Variants in FSTL5 observed in about 807,000 individuals in gnomAD.
FSTL5 encodes the protein follistatin like 5.
A neutral mutation model predicts 89.1 loss-of-function variants in FSTL5; 62 were observed. The ratio of observed to expected loss-of-function variants is 0.70; its 90% confidence interval spans 0.57 to 0.86. The LOEUF is 0.86. FSTL5 is among the 40% of genes least tolerant of loss of function. FSTL5 has a pLI of 0.00. For synonymous variants in FSTL5, 383 were observed against 346.2 expected, an observed-to-expected ratio of 1.11 and a Z score of -1.18; for missense variants, 1,057 against 1,001.6, an observed-to-expected ratio of 1.06 and a Z score of -0.75.
At chr4:161,835,609 A>T (rs2126866523) in intron 4 of FSTL5, among the ~76,000 whole-genome samples, 1 of 152,068 alleles carries the variant, frequency 6.6e-6, no homozygotes, top group Non-Finnish European at 1.5e-5. Flanking sequence ...ATTTACAAGA[A>T]AAAAACAAAC....
chr4:161,696,348 T>G (rs1738165836), intron 6 of FSTL5, among the ~76,000 whole-genome samples: 1 of 152,194 alleles, frequency 6.6e-6, no homozygotes, highest in African/African-American at 2.4e-5. Context: ...AACCTGTTGT[T>G]TTGGTGACTA....
At chr4:161,747,231 A>G (rs1740231918) in intron 6 of FSTL5, among the ~76,000 whole-genome samples, 2 of 152,244 alleles carry the variant, frequency 1.3e-5, no homozygotes, top group South Asian at 2.1e-4. Flanking sequence ...GTAAAATTAC[A>G]TAAGTGAATC....
At chr4:162,142,951 G>A (rs1008176078) in intron 1 of FSTL5, among the ~76,000 whole-genome samples, 2 of 152,082 alleles carry the variant, frequency 1.3e-5, no homozygotes, top group Non-Finnish European at 2.9e-5. Flanking sequence ...CACACACTAG[G>A]CTCTCAAGTA....
intron 11 of FSTL5, among the ~76,000 whole-genome samples, chr4:161,500,467 T>A (rs1463626836): frequency 6.6e-6 from 1 of 152,176 alleles, no homozygotes; most frequent in African/African-American, 2.4e-5. Context: ...TACATGTTGA[T>A]TAAGGAGTAA....
intron 7 of FSTL5, among the ~76,000 whole-genome samples, chr4:161,589,795 G>C (rs1354050920): frequency 6.6e-6 from 1 of 152,018 alleles, no homozygotes; most frequent in African/African-American, 2.4e-5. Flanking sequence ...TAGGAGTCTA[G>C]AAGGCCACAC....
intron 2 of FSTL5, among the ~76,000 whole-genome samples, chr4:162,107,254 TA>T (rs1731260045): frequency 6.6e-6 from 1 of 152,174 alleles, no homozygotes; most frequent in South Asian, 2.1e-4. Context: ...AAGAAATTAG[TA>T]AATATCTATG....
intron 6 of FSTL5, among the ~76,000 whole-genome samples, chr4:161,687,797 G>C (rs937333841): frequency 6.6e-6 from 1 of 152,130 alleles, no homozygotes; most frequent in African/African-American, 2.4e-5. Flanking sequence ...AAAATGTTAT[G>C]GTTAGAATGT....
At chr4:161,801,219 G>C (rs1252463190) in intron 4 of FSTL5, among the ~76,000 whole-genome samples, 1 of 151,558 alleles carries the variant, frequency 6.6e-6, no homozygotes, top group Non-Finnish European at 1.5e-5. Context: ...AGTTCTGGGA[G>C]GACAAGAATA....
intron 4 of FSTL5, among the ~76,000 whole-genome samples, chr4:161,838,354 C>A (rs1021244835): frequency 6.6e-6 from 1 of 152,224 alleles, no homozygotes; most frequent in Non-Finnish European, 1.5e-5. Context: ...TCTCAGATCA[C>A]TGCAACCTCC....
chr4:161,798,607 T>C (rs936328324), intron 4 of FSTL5, among the ~76,000 whole-genome samples: 3 of 151,568 alleles, frequency 2.0e-5, no homozygotes, highest in Non-Finnish European at 3.0e-5. Context: ...CAATCAAAAC[T>C]TTATCAATCA....
At chr4:161,721,564 A>T (rs76741783) in intron 6 of FSTL5, among the ~76,000 whole-genome samples, 6,913 of 152,152 alleles carry the variant, frequency 0.045, 350 homozygotes, top group South Asian at 0.21. Context: ...AAAATGCCAA[A>T]CTGCTCAGAT....
intron 3 of FSTL5, among the ~76,000 whole-genome samples, chr4:161,959,983 A>G (rs1050792759): frequency 2.0e-5 from 3 of 152,066 alleles, no homozygotes; most frequent in African/African-American, 7.2e-5. Flanking sequence ...TCAAACTAAA[A>G]TCATGTTGAA....
At chr4:161,449,734 CT>C (rs377594623) in intron 15 of FSTL5, among the ~76,000 whole-genome samples, 239 of 149,482 alleles carry the variant, frequency 1.6e-3, no homozygotes, top group African/African-American at 5.5e-3. Flanking sequence ...CATAATACAT[CT>C]TTTTTTTTTC....
chr4:162,143,647 A>G (rs1336922785), intron 1 of FSTL5, among the ~76,000 whole-genome samples: 1 of 152,046 alleles, frequency 6.6e-6, no homozygotes, highest in East Asian at 1.9e-4. Flanking sequence ...TTAAATCATT[A>G]CAAACTATTT....
chr4:161,817,936 G>A (rs545247020), intron 4 of FSTL5, among the ~76,000 whole-genome samples: 22 of 152,144 alleles, frequency 1.4e-4, no homozygotes, highest in African/African-American at 4.1e-4. Flanking sequence ...TAAGGAGGGC[G>A]TAGTCCCTGG....
intron 4 of FSTL5, among the ~76,000 whole-genome samples, chr4:161,784,383 T>A (rs1418837918): frequency 6.6e-6 from 1 of 152,098 alleles, no homozygotes; most frequent in Non-Finnish European, 1.5e-5. Context: ...ATATTTTTAT[T>A]TTTTATAAAT....
chr4:161,954,664 C>T (rs1424195752), intron 3 of FSTL5, among the ~76,000 whole-genome samples: 1 of 151,610 alleles, frequency 6.6e-6, no homozygotes, highest in Non-Finnish European at 1.5e-5. Context: ...GTTTCATATT[C>T]CAGTAAGGCA....
At chr4:161,600,609 C>T (rs529829721) in intron 7 of FSTL5, among the ~76,000 whole-genome samples, 39 of 152,016 alleles carry the variant, frequency 2.6e-4, no homozygotes, top group African/African-American at 7.2e-4. Context: ...TTTCCTAAAT[C>T]GACTTGGATT....
intron 15 of FSTL5, among the ~76,000 whole-genome samples, chr4:161,440,627 C>CT (rs1732728229): frequency 6.6e-6 from 1 of 152,016 alleles, no homozygotes; most frequent in Non-Finnish European, 1.5e-5. Context: ...CTGACTTGGT[C>CT]GTTCTGTTGG....
Sources: gnomAD v4.1 joint callset for allele counts (sites outside exome capture counted in the v4.1 genomes callset) on GRCh38, gnomAD v4.1.1 for gene constraint, MANE v1.5 for transcripts, NCBI Gene and HGNC (gene_info 2026-07-23, HGNC 2026-07-21) for gene names.